Variants in LRP1B observed in about 807,000 individuals in gnomAD.
LRP1B encodes LDL receptor related protein 1B.
LRP1B carries 217 observed loss-of-function variants against 556.6 expected under a neutral mutation model. The observed-to-expected ratio is 0.39, with a 90% CI of 0.35 to 0.44. The LOEUF (loss-of-function observed/expected upper bound fraction) is 0.44. LRP1B is among the 20% of genes least tolerant of loss of function. The pLI, the probability that LRP1B is intolerant of heterozygous loss-of-function variation, is 1.00. For synonymous variants in LRP1B, 2,047 were observed against 1,865.8 expected (o/e 1.10, Z -2.50); for missense variants, 5,053 against 5,620.8 (o/e 0.90, Z 3.23).
chr2:141,326,003 G>T (rs920649234), intron 3 of LRP1B, among the ~76,000 whole-genome samples: 2 of 151,990 alleles, frequency 1.3e-5, no homozygotes, highest in African/African-American at 4.8e-5. Flanking sequence ...CTATTGCAAG[G>T]TTTAAGAAAT....
At chr2:141,047,337 G>A (rs555454753) in intron 11 of LRP1B, among the ~76,000 whole-genome samples, 1 of 152,028 alleles carries the variant, frequency 6.6e-6, no homozygotes, top group South Asian at 2.1e-4. Context: ...ACAAAAACAG[G>A]TACGTTTTTA....
At chr2:141,793,276 A>C (rs75951389) in intron 2 of LRP1B, among the ~76,000 whole-genome samples, 1,684 of 152,102 alleles carry the variant, frequency 0.011, 25 homozygotes, top group African/African-American at 0.038. Context: ...TCTGCTTTCA[A>C]ATGACAATGG....
In LRP1B at chr2:141,703,063, T is replaced by A. The variant is rs557367888; in HGVS notation, c.205+107216A>T. Among the ~76,000 whole-genome samples, 20 of 152,052 alleles carry A rather than the reference T, an allele frequency of 1.3e-4. No individual in the cohort carries two copies. In the East Asian group the frequency reaches 3.9e-3, roughly 29 times the overall value. ...TATATAATAGGATAAACAGAACATT[T>A]TCAACATCTGTGCTGAGTTGTCCTG... is the stretch of plus-strand genomic sequence containing the variant. On this transcript the variant is annotated intron_variant, in intron 2 of 90. Coordinates refer to ENST00000389484, the MANE Select transcript of LRP1B (RefSeq NM_018557.3).
chr2:141,715,215 C>A (rs1450410606), intron 2 of LRP1B, among the ~76,000 whole-genome samples: 1 of 152,158 alleles, frequency 6.6e-6, no homozygotes, highest in Admixed American at 6.5e-5. Context: ...TACCTGTAAT[C>A]CCAGCCCTTT....
chr2:140,714,058 T>C (rs1389138934), intron 37 of LRP1B, among the ~76,000 whole-genome samples: 1 of 152,214 alleles, frequency 6.6e-6, no homozygotes, highest in Non-Finnish European at 1.5e-5. Flanking sequence ...AATAAGTCTT[T>C]ACAAAGTGAC....
At chr2:140,233,401 C>T (rs1246328066) in intron 90 of LRP1B, 75 bp from the exon 91 acceptor site, 1 of 995,868 alleles carries the variant, frequency 1.0e-6, no homozygotes, top group African/African-American at 1.7e-5. Context: ...CTAGAATGTC[C>T]ATCTCCTAAT....
chr2:140,639,535 A>T (rs1684197807), intron 41 of LRP1B, among the ~76,000 whole-genome samples: 1 of 152,186 alleles, frequency 6.6e-6, no homozygotes, highest in South Asian at 2.1e-4. Flanking sequence ...CAATTAAAAA[A>T]TTCTTTCTGA....
At chr2:141,498,356 C>CTTTTT (rs67454706) in intron 2 of LRP1B, among the ~76,000 whole-genome samples, 2 of 144,090 alleles carry the variant, frequency 1.4e-5, no homozygotes. Context: ...CTTTAAAATC[C>CTTTTT]TTTTTTTTTT....
At chr2:140,335,351 A>G (rs1439500994) in intron 78 of LRP1B, among the ~76,000 whole-genome samples, 2 of 151,946 alleles carry the variant, frequency 1.3e-5, no homozygotes, top group African/African-American at 4.8e-5. Context: ...TCTGCAATAC[A>G]CACATATAAC....
chr2:141,427,242 T>C (rs1680403006), intron 3 of LRP1B, among the ~76,000 whole-genome samples: 1 of 152,252 alleles, frequency 6.6e-6, no homozygotes, highest in African/African-American at 2.4e-5. Context: ...CATATATTTA[T>C]GTGTGAACCT....
intron 6 of LRP1B, among the ~76,000 whole-genome samples, chr2:141,219,567 C>T (rs1474058654): frequency 6.6e-6 from 1 of 152,194 alleles, no homozygotes; most frequent in African/African-American, 2.4e-5. Context: ...GCCAAACCTG[C>T]TCAGACAAGG....
At chr2:141,121,482 G>A (rs902597766) in intron 7 of LRP1B, among the ~76,000 whole-genome samples, 3 of 152,004 alleles carry the variant, frequency 2.0e-5, no homozygotes, top group African/African-American at 7.2e-5. Flanking sequence ...CAAATCATGA[G>A]TGAACTCCCA....
At chr2:142,088,816 A>C (rs1465575710) in intron 1 of LRP1B, among the ~76,000 whole-genome samples, 1 of 151,778 alleles carries the variant, frequency 6.6e-6, no homozygotes, top group African/African-American at 2.4e-5. Flanking sequence ...TCTACTAAAA[A>C]CACAAAAAAT....
rs1483293153 is a variant in LRP1B at position 141,198,813 on chromosome 2, C to T, written c.851-10230G>A. On this transcript the variant is annotated intron_variant, in intron 6 of 90. Transcript: ENST00000389484. The stretch of plus-strand genomic sequence containing the variant: ...CCAGTAGGCAAACATTATATTCTTA[C>T]TCGATCCACAAATCAAAAGTATTCA... 2.6e-5 allele frequency among the ~76,000 whole-genome samples: 4 copies of T among 152,252 alleles called. No individual in the cohort carries two copies. The South Asian group carries it at 6.2e-4, about 24-fold the overall frequency.
At chr2:141,267,842 AT>A (rs1684947985) in intron 3 of LRP1B, among the ~76,000 whole-genome samples, 1 of 152,198 alleles carries the variant, frequency 6.6e-6, no homozygotes. Context: ...GAGGAATATA[AT>A]AGGATGGAGG....
At chr2:141,071,248 C>A (rs1200750024) in intron 7 of LRP1B, among the ~76,000 whole-genome samples, 1 of 150,104 alleles carries the variant, frequency 6.7e-6, no homozygotes, top group African/African-American at 2.5e-5. Flanking sequence ...GAACCAAAGA[C>A]AAAAACCACA....
intron 77 of LRP1B, among the ~76,000 whole-genome samples, chr2:140,347,329 G>C (rs1057299317): frequency 2.0e-5 from 3 of 151,396 alleles, no homozygotes; most frequent in Admixed American, 6.6e-5. Flanking sequence ...ATAGCCCAGA[G>C]GGTTAGAAAA....
At chr2:141,268,892 G>A (rs1684988090) in intron 3 of LRP1B, among the ~76,000 whole-genome samples, 4 of 152,116 alleles carry the variant, frequency 2.6e-5, no homozygotes, top group Admixed American at 2.0e-4. Context: ...ATGTACTGGG[G>A]TCCAGTTACT....
intron 3 of LRP1B, among the ~76,000 whole-genome samples, chr2:141,475,122 C>T (rs1413438627): frequency 1.3e-5 from 2 of 152,078 alleles, no homozygotes; most frequent in African/African-American, 4.8e-5. Context: ...GCCTGTAATC[C>T]AAGCACTGTG....
Sources: gnomAD v4.1 joint callset for allele counts (sites outside exome capture counted in the v4.1 genomes callset) on GRCh38, gnomAD v4.1.1 for gene constraint, MANE v1.5 for transcripts, NCBI Gene and HGNC (gene_info 2026-07-23, HGNC 2026-07-21) for gene names.